The following PIEZO2 variants were observed in gnomAD, a reference collection of about 807,000 sequenced individuals.
The protein encoded by PIEZO2 is piezo-type mechanosensitive ion channel component 2.
PIEZO2 carries 172 observed loss-of-function variants against 337.3 expected under a neutral mutation model. The observed-to-expected ratio is 0.51, with a 90% CI of 0.45 to 0.58. PIEZO2 has a LOEUF of 0.58. Ranked by LOEUF, PIEZO2 falls within the 20% of genes least tolerant of loss-of-function variation. The pLI is 0.00. For missense variants in PIEZO2, 3,028 were observed against 3,391.3 expected (o/e 0.89, Z 2.66); for synonymous variants, 1,251 against 1,228.5 (o/e 1.02, Z -0.38).
In PIEZO2 at chr18:11,047,829, T is replaced by TGATGACATTGATGTTTGAG. The variant is rs2037374381; in HGVS notation, c.160+18279_160+18297dup. ...ACCCCAGGGAATGCGAATATAATGA[T>TGATGACATTGATGTTTGAG]GATGACATTGATGTTTGAGGGTGAC... On this transcript the variant is annotated intron_variant, in intron 2 of 55. Coordinates refer to ENST00000674853, the MANE Select transcript of PIEZO2 (RefSeq NM_001378183.1). This position sits in a 1 kb window ranked among gnomAD's most constrained non-coding sequence, Gnocchi z 7.2. Among the ~76,000 whole-genome samples the TGATGACATTGATGTTTGAG allele has an allele frequency of 3.9e-5, 6 of 152,270 alleles. No homozygotes were observed. Among genetic ancestry groups the TGATGACATTGATGTTTGAG allele is most frequent in the Admixed American group, 3.9e-4 (6 of 15,294 alleles).
In PIEZO2 at chr18:10,773,581, C is replaced by A; in HGVS notation, c.2616G>T (p.Leu872=). 1 of 1,537,378 alleles carries A rather than the reference C, an allele frequency of 6.5e-7. No homozygotes were observed. Among genetic ancestry groups the A allele is most frequent in the Non-Finnish European group, 8.7e-7 (1 of 1,146,964 alleles). The stretch of plus-strand genomic sequence containing the variant: ...CCTCCGGCTTCTCCAGGCTGGCAGT[C>A]AGATGCATCATGGTGAGGTCCGGGA... ...GSLPDLTMMH[L]TASLEKPEVR... The change falls in exon 20 of 56, where the codon CTG becomes CTT. Residue 872 remains leucine, a synonymous_variant. Transcript: ENST00000674853. This position sits in a 1 kb window ranked among gnomAD's most constrained non-coding sequence, Gnocchi z 5.3.
rs144069683 is a variant in PIEZO2 at position 10,791,658 on chromosome 18, C to G, written c.1759-334G>C. On this transcript the variant is annotated intron_variant, in intron 13 of 55. Transcript: ENST00000674853. ...GGTGCTGGTCCGTGGTTGATTCCCT[C>G]CTGACTGTGACGTCATTACAATTGT... 7.4e-4 allele frequency: 125 copies of G among 168,286 alleles called. 1 individual carries two copies. The highest frequency in any genetic ancestry group is 1.3e-3 in the Admixed American group (20 of 15,952). 10.4% of individuals were successfully genotyped at this position (168,286 alleles called of 1,614,324 possible).
chr18:10,760,313 T>G (rs2143854036), intron 24 of PIEZO2, among the ~76,000 whole-genome samples: 1 of 152,282 alleles, frequency 6.6e-6, no homozygotes, highest in South Asian at 2.1e-4. Context: ...CTTTATTATT[T>G]ATTTATTTTG....
At position 10,716,575 on chromosome 18, in the gene PIEZO2, C is replaced by T. The variant is rs1053035892; in HGVS notation, c.5090-759G>A. ...CAAGGAGGCACAGGAAGAGAACGGC[C>T]GCTGCTTGAAGCTGAATGAAGTGAG... is the stretch of plus-strand genomic sequence containing the variant. On this transcript the variant is annotated intron_variant, in intron 37 of 55. Coordinates refer to ENST00000674853, the MANE Select transcript of PIEZO2 (RefSeq NM_001378183.1). This position sits in a 1 kb window ranked among gnomAD's most constrained non-coding sequence, Gnocchi z 4.1. 2.0e-5 allele frequency among the ~76,000 whole-genome samples: 3 copies of T among 152,100 alleles called. No homozygotes were observed. Among genetic ancestry groups the T allele is most frequent in the East Asian group, 1.9e-4 (1 of 5,164 alleles).
intron 1 of PIEZO2, among the ~76,000 whole-genome samples, chr18:11,103,218 T>C (rs995954012): frequency 6.6e-6 from 1 of 152,336 alleles, no homozygotes; most frequent in South Asian, 2.1e-4. Flanking sequence ...GTGTTAGTAA[T>C]TGATGCTTAG....
chr18:10,918,646 C>T (rs1165904197), intron 3 of PIEZO2, among the ~76,000 whole-genome samples: 1 of 152,020 alleles, frequency 6.6e-6, no homozygotes. Context: ...ATTTACAAAA[C>T]GTGAAAATAC....
In PIEZO2 at chr18:11,048,559, T is replaced by C. The variant is rs566730340; in HGVS notation, c.160+17568A>G. Among the ~76,000 whole-genome samples the C allele has an allele frequency of 6.6e-6, 1 of 152,354 alleles. No individual in the cohort carries two copies. Among genetic ancestry groups the C allele is most frequent in the South Asian group, 2.1e-4 (1 of 4,832 alleles). Reference sequence around the variant, plus strand: ...ACATGCATAATCTCTACATTTATCTTCCCTCACTATTAATTTTATAGTAAG... The same window carrying C: ...ACATGCATAATCTCTACATTTATCTCCCCTCACTATTAATTTTATAGTAAG... On this transcript the variant is annotated intron_variant, in intron 2 of 55. Transcript: ENST00000674853. This position sits in a 1 kb window ranked among gnomAD's most constrained non-coding sequence, Gnocchi z 4.5.
chr18:10,786,484 A>G (rs1055681090), intron 16 of PIEZO2, among the ~76,000 whole-genome samples: 1 of 152,260 alleles, frequency 6.6e-6, no homozygotes, highest in African/African-American at 2.4e-5. Context: ...CAATATATTC[A>G]GCTCAAAACC....
At chr18:10,792,181 T>C (rs907714228) in intron 13 of PIEZO2, among the ~76,000 whole-genome samples, 8 of 152,210 alleles carry the variant, frequency 5.3e-5, no homozygotes, top group Non-Finnish European at 1.0e-4. Flanking sequence ...ACTCCTGACA[T>C]CAGGTGATCC....
chr18:11,008,519 G>C (rs993462885), intron 2 of PIEZO2, among the ~76,000 whole-genome samples: 1 of 152,114 alleles, frequency 6.6e-6, no homozygotes, highest in African/African-American at 2.4e-5. Context: ...GCCTGTCTTT[G>C]GCTATCCACT....
At chr18:10,925,762 T>G (rs264269) in intron 3 of PIEZO2, among the ~76,000 whole-genome samples, 93,191 of 151,770 alleles carry the variant, frequency 0.61, 28,919 homozygotes, top group East Asian at 0.73. Flanking sequence ...TAGAGACTGG[T>G]TTTCACTGGG....
At chr18:11,121,627 G>T (rs578200638) in intron 1 of PIEZO2, among the ~76,000 whole-genome samples, 1 of 152,174 alleles carries the variant, frequency 6.6e-6, no homozygotes, top group African/African-American at 2.4e-5. Flanking sequence ...AATTCGGCTT[G>T]CCCAGTAAGT....
intron 12 of PIEZO2, among the ~76,000 whole-genome samples, chr18:10,796,874 C>T (rs1234843303): frequency 6.6e-6 from 1 of 152,152 alleles, no homozygotes; most frequent in Admixed American, 6.5e-5. Context: ...AGATATTGTA[C>T]ACACCATCAT....
intron 4 of PIEZO2, among the ~76,000 whole-genome samples, chr18:10,882,227 G>T (rs2042440777): frequency 6.6e-6 from 1 of 152,094 alleles, no homozygotes; most frequent in African/African-American, 2.4e-5. Context: ...CCAGGAGAAG[G>T]CCACAGTGGC....
chr18:11,052,193 A>G (rs1248647583), intron 2 of PIEZO2, among the ~76,000 whole-genome samples: 1 of 152,192 alleles, frequency 6.6e-6, no homozygotes, highest in Admixed American at 6.5e-5. Context: ...TACCTGGCAC[A>G]CAGAAATGTG....
intron 7 of PIEZO2, among the ~76,000 whole-genome samples, chr18:10,840,276 C>T: frequency 6.6e-6 from 1 of 152,194 alleles, no homozygotes; most frequent in African/African-American, 2.4e-5. Flanking sequence ...TTTTTGATGT[C>T]ATAGAGATAA....
intron 43 of PIEZO2, 178 bp downstream of exon 43, chr18:10,701,811 C>T (rs950717675): frequency 2.3e-5 from 11 of 476,418 alleles, no homozygotes; most frequent in African/African-American, 6.1e-5. Flanking sequence ...GCTAAATGAA[C>T]TTAACCTTTT....
At chr18:10,772,454 G>A (rs1264104016) in intron 20 of PIEZO2, among the ~76,000 whole-genome samples, 2 of 152,164 alleles carry the variant, frequency 1.3e-5, no homozygotes, top group Non-Finnish European at 2.9e-5. Context: ...CAGAGCTGGG[G>A]TCTCCCCTTC....
At chr18:10,933,804 A>T (rs2145205501) in intron 3 of PIEZO2, among the ~76,000 whole-genome samples, 1 of 152,302 alleles carries the variant, frequency 6.6e-6, no homozygotes, top group Non-Finnish European at 1.5e-5. Flanking sequence ...ATGCAGGTGG[A>T]TTCTCCCAAA....
Sources: gnomAD v4.1 joint callset for allele counts (sites outside exome capture counted in the v4.1 genomes callset) on GRCh38, gnomAD v4.1.1 for gene constraint, Gnocchi (gnomAD v3.1) non-coding constraint, MANE v1.5 for transcripts, NCBI Gene and HGNC (gene_info 2026-07-23, HGNC 2026-07-21) for gene names.